NCAPG2: variants seen among roughly 807,000 people sequenced by gnomAD.
NCAPG2 encodes the protein non-SMC condensin II complex subunit G2.
A neutral mutation model predicts 141.1 loss-of-function variants in NCAPG2; 53 were observed. The observed-to-expected ratio is 0.38, with a 90% CI of 0.30 to 0.47. NCAPG2 has a LOEUF of 0.47. Ranked by LOEUF, NCAPG2 falls within the 20% of genes least tolerant of loss-of-function variation. The pLI is 0.99. For missense variants in NCAPG2, 1,087 were observed against 1,389.0 expected (o/e 0.78, Z 3.46); for synonymous variants, 499 against 490.7 (o/e 1.02, Z -0.22).
intron 4 of NCAPG2, among the ~76,000 whole-genome samples, 181 bp from the exon 5 acceptor site, chr7:158,690,903 T>TA (rs1291164277): frequency 2.6e-5 from 4 of 152,230 alleles, no homozygotes; most frequent in Non-Finnish European, 4.4e-5. Flanking sequence ...TAATGTTAAT[T>TA]AAAAAACTGT....
At position 158,631,372 on chromosome 7, in the gene NCAPG2, T is replaced by G; in HGVS notation, c.*294A>C. 2.6e-6 allele frequency: 1 copy of G among 378,090 alleles called. No individual in the cohort carries two copies. The highest frequency in any genetic ancestry group is 4.7e-6 in the Non-Finnish European group (1 of 214,008). 23.4% of individuals were successfully genotyped at this position (378,090 alleles called of 1,614,324 possible). A position where few individuals can be genotyped will look rare whatever the true frequency, so the allele number is the denominator to read the frequency against. ...CAATATTACATATATAAAAGTCATT[T>G]TAAAAACAACCAGGTTTGCTAGAAA... is the stretch of plus-strand genomic sequence containing the variant. On this transcript the variant is annotated 3_prime_UTR_variant, in exon 28 of 28. Transcript: ENST00000356309.
intron 23 of NCAPG2, 46 bp from the exon 24 acceptor site, chr7:158,651,018 T>A: frequency 6.6e-7 from 1 of 1,520,926 alleles, no homozygotes; most frequent in Non-Finnish European, 8.8e-7. Context: ...AAAACCATGG[T>A]TTTGAAAAAA....
At chr7:158,680,590 A>C in intron 10 of NCAPG2, 131 bp downstream of exon 10, 1 of 531,662 alleles carries the variant, frequency 1.9e-6, no homozygotes, top group Non-Finnish European at 3.0e-6. Context: ...ACATTTGTTC[A>C]AAAATTTCAG....
At position 158,645,518 on chromosome 7, in the gene NCAPG2, C is replaced by T; in HGVS notation, c.3280+1G>A. 1 of 1,613,658 alleles carries T rather than the reference C, an allele frequency of 6.2e-7. No individual in the cohort carries two copies. The highest frequency in any genetic ancestry group is 8.5e-7 in the Non-Finnish European group (1 of 1,179,534). ...AGATGACAGAGGGGAATGTAACCAACCTGCATTAATAACCAGGATAATATG... is the reference window on the plus strand; with the variant it reads ...AGATGACAGAGGGGAATGTAACCAATCTGCATTAATAACCAGGATAATATG... On this transcript the variant is annotated splice_donor_variant, in intron 26 of 27. Coordinates refer to ENST00000356309, the MANE Select transcript of NCAPG2 (RefSeq NM_017760.7). LOFTEE classifies it high-confidence loss of function.
At chr7:158,643,628 G>C (rs1030356900) in intron 27 of NCAPG2, among the ~76,000 whole-genome samples, 1 of 152,254 alleles carries the variant, frequency 6.6e-6, no homozygotes, top group African/African-American at 2.4e-5. Context: ...TAGCTATGGA[G>C]AGTGGTTTGT....
intron 11 of NCAPG2, among the ~76,000 whole-genome samples, chr7:158,676,622 G>C (rs1834067852): frequency 6.6e-6 from 1 of 152,154 alleles, no homozygotes; most frequent in Non-Finnish European, 1.5e-5. Flanking sequence ...TTCAAGACAG[G>C]GGAAGAAGAA....
intron 15 of NCAPG2, among the ~76,000 whole-genome samples, chr7:158,663,508 G>A (rs1362002099): frequency 6.6e-6 from 1 of 151,196 alleles, no homozygotes; most frequent in Non-Finnish European, 1.5e-5. Context: ...GCATGAGCAG[G>A]GCCTGGGTGA....
In NCAPG2 at chr7:158,664,272, T is replaced by C; in HGVS notation, c.1727A>G (p.His576Arg). 6.2e-7 allele frequency: 1 copy of C among 1,613,660 alleles called. No homozygotes were observed. Among genetic ancestry groups the C allele is most frequent in the Non-Finnish European group, 8.5e-7 (1 of 1,179,554 alleles). The change falls in exon 15 of 28, where the codon CAT (histidine) becomes CGT (arginine). Residue 576 changes from histidine to arginine, a missense_variant. By Grantham distance (29) the His-to-Arg change is conservative. Transcript: ENST00000356309. Reference sequence around the variant, plus strand: ...CCTCTGGATACAGGCATTTAAGCAATGACGAATAACGTGAATCAGCTTTGC... The same window carrying C: ...CCTCTGGATACAGGCATTTAAGCAACGACGAATAACGTGAATCAGCTTTGC... ...NIAKLIHVIR[H>R]CLNACIQRAV... is the part of the protein sequence containing the mutation.
chr7:158,667,165 G>A (rs1485318532), intron 13 of NCAPG2: 17 of 985,302 alleles, frequency 1.7e-5, no homozygotes, highest in Non-Finnish European at 1.9e-5. Context: ...CCAAATGGCT[G>A]TCTGCCTTGC....
intron 9 of NCAPG2, 94 bp downstream of exon 9, chr7:158,683,206 T>C: frequency 9.3e-7 from 1 of 1,079,880 alleles, no homozygotes; most frequent in Non-Finnish European, 1.3e-6. Flanking sequence ...AACTGATGTC[T>C]GTGAAAGCTT....
At chr7:158,672,746 T>C (rs983370840) in intron 12 of NCAPG2, among the ~76,000 whole-genome samples, 1 of 152,184 alleles carries the variant, frequency 6.6e-6, no homozygotes, top group Non-Finnish European at 1.5e-5. Context: ...GCTCCACCTG[T>C]GTCCACAGCC....
intron 2 of NCAPG2, among the ~76,000 whole-genome samples, chr7:158,694,956 T>C (rs1484982180): frequency 1.3e-5 from 2 of 152,212 alleles, no homozygotes; most frequent in Admixed American, 1.3e-4. Context: ...TCTCAAATGT[T>C]TGACCTTAGA....
At chr7:158,637,394 G>A (rs1204903752) in intron 27 of NCAPG2, among the ~76,000 whole-genome samples, 2 of 143,524 alleles carry the variant, frequency 1.4e-5, no homozygotes, top group African/African-American at 2.6e-5. Context: ...CATCACCGTG[G>A]GGTGCTGGAA....
rs529876452 is a variant in NCAPG2 at position 158,688,767 on chromosome 7, G to A, written c.672+1052C>T. On this transcript the variant is annotated intron_variant, in intron 6 of 27. Transcript: ENST00000356309. ...CACCTATAAAGTGAACAAAGACCCT[G>A]GGAGCCAAAGGTCTCAGTCCTAATC... is the stretch of plus-strand genomic sequence containing the variant. Among the ~76,000 whole-genome samples the A allele has an allele frequency of 1.4e-4, 21 of 152,330 alleles. No homozygotes were observed. The South Asian group carries it at 4.3e-3, about 32-fold the overall frequency.
intron 27 of NCAPG2, among the ~76,000 whole-genome samples, chr7:158,637,965 G>A (rs1830402039): frequency 6.6e-6 from 1 of 152,104 alleles, no homozygotes; most frequent in Admixed American, 6.5e-5. Context: ...CCAACATGGT[G>A]AAACTCCGTC....
intron 13 of NCAPG2, among the ~76,000 whole-genome samples, chr7:158,669,949 A>T (rs578216139): frequency 6.6e-6 from 1 of 152,092 alleles, no homozygotes; most frequent in East Asian, 1.9e-4. Context: ...CTGTTACTCT[A>T]AAGTTTATAT....
At chr7:158,632,246 C>T (rs777598212) in intron 27 of NCAPG2, among the ~76,000 whole-genome samples, 14 of 152,226 alleles carry the variant, frequency 9.2e-5, no homozygotes, top group East Asian at 1.9e-4. Flanking sequence ...CCCAGCCCCA[C>T]CTAGGCCGCG....
At chr7:158,695,656 G>A (rs527413215) in intron 2 of NCAPG2, among the ~76,000 whole-genome samples, 2 of 152,348 alleles carry the variant, frequency 1.3e-5, no homozygotes, top group Non-Finnish European at 2.9e-5. Context: ...ATATCAAAAT[G>A]TTCTACCTCT....
At chr7:158,686,131 A>AT in intron 8 of NCAPG2, 41 bp downstream of exon 8, 1 of 1,211,218 alleles carries the variant, frequency 8.3e-7, no homozygotes. Context: ...TAACTAAAAT[A>AT]TAATAAAAAT....
Sources: allele counts gnomAD v4.1 joint callset (sites outside exome capture counted in the v4.1 genomes callset), GRCh38; gene constraint gnomAD v4.1.1; transcripts MANE v1.5; gene names NCBI Gene and HGNC (gene_info 2026-07-23, HGNC 2026-07-21).